Variants in MAPKAPK3 observed in about 807,000 individuals in gnomAD.
MAPKAPK3 encodes MAPK activated protein kinase 3.
Under a neutral mutation model 49.2 loss-of-function variants are expected in MAPKAPK3, and 35 were observed. The ratio of observed to expected loss-of-function variants is 0.71; its 90% CI spans 0.54 to 0.94. MAPKAPK3 has a LOEUF of 0.94. MAPKAPK3 is among the 40% of genes least tolerant of loss of function. The pLI is 0.00. For missense variants in MAPKAPK3, 398 were observed against 493.1 expected, an observed-to-expected ratio of 0.81 and a Z score of 1.83; for synonymous variants, 178 against 188.7, an observed-to-expected ratio of 0.94 and a Z score of 0.46.
At position 50,641,920 on chromosome 3, in the gene MAPKAPK3, ACT is replaced by A. The variant is rs572237214; in HGVS notation, c.424+154_424+155del. On this transcript the variant is annotated intron_variant, in intron 4 of 10. Coordinates refer to ENST00000621469, the MANE Select transcript of MAPKAPK3 (RefSeq NM_001243925.2). ...GACTCAGTGTCCATCCCCACAAGGG[ACT>A]CTCTGAGTCTGAGACACTTTGTCGA... is the stretch of plus-strand genomic sequence containing the variant. 177 of 775,434 alleles carry A rather than the reference ACT, an allele frequency of 2.3e-4. 1 individual carries two copies. The highest frequency in any genetic ancestry group is 3.0e-4 in the Admixed American group (15 of 49,690). The allele number at this position is 775,434 out of a possible 1,614,324, so 48.0% of individuals were successfully genotyped here. A position where few individuals can be genotyped will look rare whatever the true frequency, so the allele number is the denominator to read the frequency against.
intron 2 of MAPKAPK3, among the ~76,000 whole-genome samples, chr3:50,621,678 A>T (rs1021694352): frequency 6.6e-6 from 1 of 151,050 alleles, no homozygotes; most frequent in Non-Finnish European, 1.5e-5. Context: ...GCTGAGGTGG[A>T]AAGATGATTG....
intron 2 of MAPKAPK3, among the ~76,000 whole-genome samples, chr3:50,634,933 AG>A (rs2032998919): frequency 6.6e-6 from 1 of 152,078 alleles, no homozygotes; most frequent in African/African-American, 2.4e-5. Flanking sequence ...ATGATGTGGG[AG>A]TGGTACTATG....
chr3:50,613,265 G>T (rs1024734478), upstream of MAPKAPK3, among the ~76,000 whole-genome samples: 1 of 152,228 alleles, frequency 6.6e-6, no homozygotes, highest in African/African-American at 2.4e-5. Context: ...GGCTCAGTTT[G>T]CTCTGCCCAG....
chr3:50,617,851 C>G lies in MAPKAPK3; in HGVS notation c.219+67C>G. ...CCACAGCGGAAGCCTGTGAGTGAAG[C>G]TATGTCTAGCGCCCCTGCTAAGCTT... On this transcript the variant is annotated intron_variant, in intron 2 of 10. Coordinates refer to ENST00000621469, the MANE Select transcript of MAPKAPK3 (RefSeq NM_001243925.2). The G allele has an allele frequency of 4.8e-6, 6 of 1,248,902 alleles. No individual in the cohort carries two copies. Among genetic ancestry groups the G allele is most frequent in the Non-Finnish European group, 7.0e-6 (6 of 857,556 alleles). 77.4% of individuals were successfully genotyped at this position (1,248,902 alleles called of 1,614,324 possible).
Position 50,640,635 on chromosome 3 carries a change from C to T in MAPKAPK3, c.359+130C>T. ...GGGTGCCACTGTAGCCCCTGAGGGG[C>T]AATGGAGCAGGCAGCCGCAGGCCCT... is the stretch of plus-strand genomic sequence containing the variant. On this transcript the variant is annotated intron_variant, in intron 3 of 10. Transcript: ENST00000621469. The T allele has an allele frequency of 5.1e-6, 6 of 1,175,678 alleles. No homozygotes were observed. The South Asian group carries it at 9.4e-5, about 18-fold the overall frequency. 72.8% of individuals were successfully genotyped at this position (1,175,678 alleles called of 1,614,324 possible). A position where few individuals can be genotyped will look rare whatever the true frequency, so the allele number is the denominator to read the frequency against.
At chr3:50,635,921 AAAAAAAAAAAAAAAAAAAAAAAAAACC>A (rs1260888051) in intron 2 of MAPKAPK3, among the ~76,000 whole-genome samples, 1 of 36,246 alleles carries the variant, frequency 2.8e-5, no homozygotes, top group East Asian at 5.1e-4. Context: ...CGTCTCTACC[AAAAAAAAAAAAAAAAAAAAAAAAAACC>A]AAAAAAAAAA....
At chr3:50,616,921 C>T (rs1438317618), upstream of MAPKAPK3, among the ~76,000 whole-genome samples, 2 of 151,988 alleles carry the variant, frequency 1.3e-5, no homozygotes, top group Admixed American at 6.5e-5. Flanking sequence ...GTACAGGGGC[C>T]TCCCTGGGTG....
At chr3:50,645,487 G>A (rs1158529833) in intron 6 of MAPKAPK3, among the ~76,000 whole-genome samples, 1 of 152,214 alleles carries the variant, frequency 6.6e-6, no homozygotes, top group African/African-American at 2.4e-5. Flanking sequence ...TCAGGCCCAA[G>A]GGAGCTAGGG....
rs141146313 is a variant in MAPKAPK3 at position 50,629,163 on chromosome 3, G to T, written c.220-11203G>T. 3.0e-3 allele frequency among the ~76,000 whole-genome samples: 464 copies of T among 152,242 alleles called. 5 individuals are homozygous for T. Among genetic ancestry groups the T allele is most frequent in the African/African-American group, 0.01 (423 of 41,526 alleles). ...TATTGAGCCTTTCACAGCAAAACAG[G>T]ATTCGTGGACTCAAGGTTCTTGGTC... On this transcript the variant is annotated intron_variant, in intron 2 of 10. Transcript: ENST00000621469.
intron 2 of MAPKAPK3, among the ~76,000 whole-genome samples, chr3:50,627,184 CAAAAAA>C (rs144747460): frequency 2.2e-5 from 2 of 91,320 alleles, no homozygotes; most frequent in Admixed American, 1.1e-4. Flanking sequence ...AACTCCATCT[CAAAAAA>C]AAAAAAAAAA....
chr3:50,642,926 A>G (rs1576013817), intron 5 of MAPKAPK3, among the ~76,000 whole-genome samples: 2 of 152,116 alleles, frequency 1.3e-5, no homozygotes, highest in African/African-American at 4.8e-5. Context: ...ATCTCGGCTC[A>G]CTGCAGCTTC....
chr3:50,630,949 C>A (rs1425733032), intron 2 of MAPKAPK3, among the ~76,000 whole-genome samples: 1 of 152,184 alleles, frequency 6.6e-6, no homozygotes, highest in Non-Finnish European at 1.5e-5. Flanking sequence ...CTGTAGGGAG[C>A]GCTAATCCCA....
At chr3:50,624,891 C>T (rs1194838027) in intron 2 of MAPKAPK3, among the ~76,000 whole-genome samples, 4 of 152,204 alleles carry the variant, frequency 2.6e-5, no homozygotes, top group African/African-American at 9.7e-5. Flanking sequence ...CTCTGCTGCT[C>T]TCAGGACAGT....
chr3:50,627,584 C>T (rs1190304097), intron 2 of MAPKAPK3, among the ~76,000 whole-genome samples: 1 of 152,158 alleles, frequency 6.6e-6, no homozygotes, highest in East Asian at 1.9e-4. Flanking sequence ...AGGGTGTGTC[C>T]TTACCCTAGG....
At position 50,617,245 on chromosome 3, in the gene MAPKAPK3, C is replaced by T; in HGVS notation, c.-53+4C>T. 4.0e-6 allele frequency: 1 copy of T among 248,458 alleles called. No homozygotes were observed. The highest frequency in any genetic ancestry group is 2.2e-5 in the African/African-American group (1 of 44,724). 15.4% of individuals were successfully genotyped at this position (248,458 alleles called of 1,614,324 possible). ...CAGCAAGGTGCGTTGCCGCCAGGTA[C>T]GCCCTCGCTGGGCCCCCTCTGCGGC... On this transcript the variant is annotated splice_donor_region_variant and intron_variant, in intron 1 of 10. Coordinates refer to ENST00000621469, the MANE Select transcript of MAPKAPK3 (RefSeq NM_001243925.2).
At chr3:50,646,642 T>A in intron 8 of MAPKAPK3, 98 bp from the exon 9 acceptor site, 1 of 1,079,366 alleles carries the variant, frequency 9.3e-7, no homozygotes, top group Non-Finnish European at 1.4e-6. Context: ...TGGGAGCACA[T>A]GCAGCCCCTG....
intron 2 of MAPKAPK3, among the ~76,000 whole-genome samples, chr3:50,637,508 ACCTG>A (rs1234958230): frequency 2.0e-5 from 3 of 151,842 alleles, no homozygotes; most frequent in African/African-American, 4.8e-5. Flanking sequence ...GGTGGCGGGC[ACCTG>A]TAGTCCCAGC....
At chr3:50,624,297 GTA>G (rs1491053659) in intron 2 of MAPKAPK3, among the ~76,000 whole-genome samples, 4 of 150,378 alleles carry the variant, frequency 2.7e-5, no homozygotes, top group African/African-American at 1.0e-4. Context: ...GTGTGTGTGT[GTA>G]TGTGTATGTG....
intron 2 of MAPKAPK3, among the ~76,000 whole-genome samples, chr3:50,626,789 C>A (rs2032756679): frequency 6.6e-6 from 1 of 152,182 alleles, no homozygotes; most frequent in East Asian, 1.9e-4. Context: ...CACCCAGGGT[C>A]ACGTAGTATG....
Sources: allele counts gnomAD v4.1 joint callset (sites outside exome capture counted in the v4.1 genomes callset), GRCh38; gene constraint gnomAD v4.1.1; transcripts MANE v1.5; gene names NCBI Gene and HGNC (gene_info 2026-07-23, HGNC 2026-07-21).